Variants in SRSF12 observed in about 807,000 individuals in gnomAD.
SRSF12 encodes serine/arginine-rich splicing factor 12.
In SRSF12, 21 loss-of-function variants were observed where a neutral mutation model predicts 34.1. The observed-to-expected ratio is 0.62, with a 90% CI of 0.44 to 0.89. SRSF12 has a LOEUF of 0.89. Among genes scored for constraint, SRSF12 ranks in the 40% least tolerant of loss-of-function variants. The pLI is 0.00. For missense variants in SRSF12, 278 were observed against 327.8 expected (o/e 0.85, Z 1.17); for synonymous variants, 111 against 110.8 (o/e 1.00, Z -0.01).
At chr6:89,099,515 T>TACAC (rs59572395) in intron 4 of SRSF12, among the ~76,000 whole-genome samples, 3 of 133,140 alleles carry the variant, frequency 2.3e-5, no homozygotes, top group Non-Finnish European at 4.6e-5. Flanking sequence ...TATATATATA[T>TACAC]ACACACACAC....
Position 89,098,823 on chromosome 6 carries a change from T to C in SRSF12, c.541A>G (p.Arg181Gly), listed in dbSNP as rs769875813. 6.2e-7 allele frequency: 1 copy of C among 1,614,032 alleles called. No individual in the cohort carries two copies. Among genetic ancestry groups the C allele is most frequent in the South Asian group, 1.1e-5 (1 of 91,088 alleles). The change falls in exon 5 of 5, where the codon AGG becomes GGG. Residue 181 changes from arginine to glycine, a missense_variant. Physicochemically the swap from Arg to Gly is moderately radical, Grantham distance 125 (BLOSUM62 -2). Coordinates refer to ENST00000452027, the MANE Select transcript of SRSF12 (RefSeq NM_080743.5). ...GACCTCTTTTGTAAGGACTTGGACC[T>C]TGACCGTCCTCTAGAGCCAAAATTC... ...RRNFGSRGRS[R>G]SKSLQKRSKS...
chr6:89,117,183 C>G (rs1176404099), intron 1 of SRSF12, among the ~76,000 whole-genome samples: 1 of 152,160 alleles, frequency 6.6e-6, no homozygotes, highest in East Asian at 1.9e-4. Context: ...CCTATACTCA[C>G]GCCCTTAAAA....
rs1346838241 is a variant in SRSF12, at chr6:89,117,867, G to A, written c.21C>T (p.Pro7=). ...TCCTGATGAACAGGGAGGTGTTGGG[G>A]GGCCTCGTGTAGCGAGACATGACCG... MSRYTR[P]PNTSLFIRNV... Residue 7 remains proline, a synonymous_variant, in exon 1 of 5, where the codon CCC becomes CCT. Coordinates refer to ENST00000452027, the MANE Select transcript of SRSF12 (RefSeq NM_080743.5). 9 of 1,563,188 alleles carry A rather than the reference G, an allele frequency of 5.8e-6. No individual in the cohort carries two copies. The highest frequency in any genetic ancestry group is 1.9e-5 in the Admixed American group (1 of 53,666).
rs1768348250 is a variant in SRSF12 at position 89,098,237 on chromosome 6, T to C, written c.*341A>G. 6.0e-6 allele frequency: 1 copy of C among 165,776 alleles called. No homozygotes were observed. The highest frequency in any genetic ancestry group is 1.3e-5 in the Non-Finnish European group (1 of 77,244). 10.3% of individuals were successfully genotyped at this position (165,776 alleles called of 1,614,324 possible). The stretch of plus-strand genomic sequence containing the variant: ...AAAGTGCTTTAAAGTCAAAAATATT[T>C]GTGTAAAAGGTATTATTAATAGTAC... On this transcript the variant is annotated 3_prime_UTR_variant, in exon 5 of 5. Transcript: ENST00000452027.
Position 89,109,690 on chromosome 6 carries a change from C to T in SRSF12, c.66-2432G>A, listed in dbSNP as rs375762324. On this transcript the variant is annotated intron_variant, in intron 1 of 4. Coordinates refer to ENST00000452027, the MANE Select transcript of SRSF12 (RefSeq NM_080743.5). ...AGAGCCAATTCCCATTCACTGTCTC[C>T]ACTCCCTCACCTGTTAGCTGTTGTT... Among the ~76,000 whole-genome samples the T allele has an allele frequency of 2.6e-5, 4 of 152,194 alleles. No individual in the cohort carries two copies. The East Asian group carries it at 7.7e-4, about 29-fold the overall frequency.
chr6:89,099,439 T>TATATGTGTGTATATATAC (rs1562191966), intron 4 of SRSF12, among the ~76,000 whole-genome samples: 3 of 127,464 alleles, frequency 2.4e-5, no homozygotes, highest in African/African-American at 9.6e-5. Flanking sequence ...TGTATATATA[T>TATATGTGTGTATATATAC]ACACATATAT....
chr6:89,115,803 A>AT (rs1769270399), intron 1 of SRSF12, among the ~76,000 whole-genome samples: 2 of 68,012 alleles, frequency 2.9e-5, no homozygotes, highest in South Asian at 1.3e-3. Flanking sequence ...CGCCCGTCTA[A>AT]TTTTTTTATT....
At chr6:89,110,942 C>A (rs1295186673) in intron 1 of SRSF12, among the ~76,000 whole-genome samples, 1 of 151,978 alleles carries the variant, frequency 6.6e-6, no homozygotes, top group Non-Finnish European at 1.5e-5. Flanking sequence ...ATAGTGAGAC[C>A]CCCATCTCTA....
chr6:89,113,038 A>C (rs764232080), intron 1 of SRSF12, among the ~76,000 whole-genome samples: 1 of 152,238 alleles, frequency 6.6e-6, no homozygotes, highest in South Asian at 2.1e-4. Context: ...ACTGTGTAGT[A>C]GGTTTGGGTT....
chr6:89,113,784 A>G (rs1769165504), intron 1 of SRSF12, among the ~76,000 whole-genome samples: 1 of 152,112 alleles, frequency 6.6e-6, no homozygotes, highest in South Asian at 2.1e-4. Flanking sequence ...GCTGAACTAC[A>G]GGTGCGCACT....
At chr6:89,101,768 A>G (rs1562195032) in intron 4 of SRSF12, among the ~76,000 whole-genome samples, 1 of 152,178 alleles carries the variant, frequency 6.6e-6, no homozygotes, top group African/African-American at 2.4e-5. Flanking sequence ...CTTTCAAAGG[A>G]GCAACCACAA....
intron 2 of SRSF12, 104 bp downstream of exon 2, chr6:89,107,050 T>C (rs780861980): frequency 4.5e-5 from 52 of 1,147,614 alleles, no homozygotes; most frequent in Non-Finnish European, 6.7e-5. Flanking sequence ...AATAAACACA[T>C]TTAATTAGGC....
At chr6:89,110,742 G>T (rs1769007497) in intron 1 of SRSF12, among the ~76,000 whole-genome samples, 1 of 152,188 alleles carries the variant, frequency 6.6e-6, no homozygotes, top group Non-Finnish European at 1.5e-5. Context: ...TGGTAGGCTG[G>T]AGGGTATGCC....
intron 1 of SRSF12, among the ~76,000 whole-genome samples, chr6:89,114,559 G>A (rs1582277908): frequency 6.6e-6 from 1 of 151,696 alleles, no homozygotes; most frequent in East Asian, 1.9e-4. Flanking sequence ...TTTCATTCAT[G>A]TAATATAATC....
intron 1 of SRSF12, among the ~76,000 whole-genome samples, chr6:89,111,230 TC>T (rs1442693999): frequency 6.6e-6 from 1 of 151,714 alleles, no homozygotes; most frequent in Non-Finnish European, 1.5e-5. Flanking sequence ...TGCCTCAACC[TC>T]CCAAGTAGCT....
rs1160461085 is a variant in SRSF12 at position 89,117,710 on chromosome 6, G to A, written c.65+113C>T. ...CCAAGTGGCGCAGCCTGGGCCCGCG[G>A]GGAGGCTCCGCGCAGCTCCCCCGAG... is the stretch of plus-strand genomic sequence containing the variant. On this transcript the variant is annotated intron_variant, in intron 1 of 4. Transcript: ENST00000452027. 5 of 1,085,112 alleles carry A rather than the reference G, an allele frequency of 4.6e-6. No homozygotes were observed. In the African/African-American group the frequency reaches 8.5e-5, roughly 18 times the overall value. 67.2% of individuals were successfully genotyped at this position (1,085,112 alleles called of 1,614,324 possible).
Position 89,098,172 on chromosome 6 carries a change from T to C in SRSF12, c.*406A>G, listed in dbSNP as rs983045466. On this transcript the variant is annotated 3_prime_UTR_variant, in exon 5 of 5. Coordinates refer to ENST00000452027, the MANE Select transcript of SRSF12 (RefSeq NM_080743.5). Reference sequence around the variant, plus strand: ...ACATAGGTGTCAAACAGCTTAAGTCTGCTCTATGCAATTATACAGTCATAG... The same window carrying C: ...ACATAGGTGTCAAACAGCTTAAGTCCGCTCTATGCAATTATACAGTCATAG... 1 of 155,026 alleles carries C rather than the reference T, an allele frequency of 6.5e-6. No individual in the cohort carries two copies. The highest frequency in any genetic ancestry group is 1.4e-5 in the Non-Finnish European group (1 of 70,104). 9.6% of individuals were successfully genotyped at this position (155,026 alleles called of 1,614,324 possible). A position where few individuals can be genotyped will look rare whatever the true frequency, so the allele number is the denominator to read the frequency against.
intron 1 of SRSF12, 109 bp downstream of exon 1, chr6:89,117,714 G>A (rs1267323030): frequency 3.6e-6 from 4 of 1,124,396 alleles, no homozygotes; most frequent in Non-Finnish European, 4.7e-6. Context: ...CCCGCGGGGA[G>A]GCTCCGCGCA....
At chr6:89,117,736 C>A (rs117690601) in intron 1 of SRSF12, 87 bp downstream of exon 1, 102,287 of 1,331,782 alleles carry the variant, frequency 0.077, 4,410 homozygotes, top group Middle Eastern at 0.11. Context: ...CTCCCCCGAG[C>A]CTCCGCCGGG....
Sources: gnomAD v4.1 joint callset for allele counts (sites outside exome capture counted in the v4.1 genomes callset) on GRCh38, gnomAD v4.1.1 for gene constraint, MANE v1.5 for transcripts, NCBI Gene and HGNC (gene_info 2026-07-23, HGNC 2026-07-21) for gene names.